Variants in MET observed in about 807,000 individuals in gnomAD.
The protein encoded by MET is hepatocyte growth factor receptor.
Under a neutral mutation model 133.1 loss-of-function variants are expected in MET, and 48 were observed. That is an observed-to-expected ratio of 0.36 (90% CI 0.29 to 0.46). The LOEUF is 0.46. Among genes scored for constraint, MET ranks in the 20% least tolerant of loss-of-function variants. The pLI is 1.00. For missense variants in MET, 1,442 were observed against 1,695.9 expected, an observed-to-expected ratio of 0.85 and a Z score of 2.63; for synonymous variants, 628 against 616.5, an observed-to-expected ratio of 1.02 and a Z score of -0.28.
chr7:116,730,892 T>C (rs957932359), intron 2 of MET, among the ~76,000 whole-genome samples: 1 of 152,150 alleles, frequency 6.6e-6, no homozygotes, highest in Non-Finnish European at 1.5e-5. Flanking sequence ...TCTTTGTTTG[T>C]TTGTTTTGTT....
At chr7:116,682,599 A>G (rs1246338971) in intron 1 of MET, among the ~76,000 whole-genome samples, 3 of 152,230 alleles carry the variant, frequency 2.0e-5, no homozygotes, top group African/African-American at 7.2e-5. Flanking sequence ...TTATGTAACC[A>G]TTTAATGCCC....
chr7:116,786,368 G>A (rs1373087651), intron 19 of MET, among the ~76,000 whole-genome samples: 1 of 152,176 alleles, frequency 6.6e-6, no homozygotes, highest in Non-Finnish European at 1.5e-5. Context: ...CATAGCAGGG[G>A]TCAAGGCTGG....
chr7:116,680,212 T>C (rs28670381), intron 1 of MET, among the ~76,000 whole-genome samples: 2,856 of 152,340 alleles, frequency 0.019, 85 homozygotes, highest in African/African-American at 0.064. Flanking sequence ...GATGGCACTG[T>C]ATCAGCACTG....
intron 11 of MET, among the ~76,000 whole-genome samples, chr7:116,767,874 T>C (rs1232139763): frequency 6.6e-6 from 1 of 151,116 alleles, no homozygotes; most frequent in Admixed American, 6.6e-5. Context: ...CCTTTTAAAA[T>C]TTTTCCTTTT....
intron 1 of MET, among the ~76,000 whole-genome samples, chr7:116,692,178 G>A (rs143992058): frequency 2.4e-4 from 37 of 152,196 alleles, no homozygotes; most frequent in African/African-American, 8.4e-4. Flanking sequence ...TCTCCTCTTT[G>A]AACCTCAGTT....
rs531420311 is a variant in MET at position 116,797,457 on chromosome 7, A to T, written c.*1333A>T. ...GCAAAACATACTTTAGAAACAAATGAAAAAGGCAATTGAAAATCCCAGCTA... is the reference window on the plus strand; with the variant it reads ...GCAAAACATACTTTAGAAACAAATGTAAAAGGCAATTGAAAATCCCAGCTA... On this transcript the variant is annotated 3_prime_UTR_variant, in exon 21 of 21. Coordinates refer to ENST00000397752, the MANE Select transcript of MET (RefSeq NM_000245.4). 415 of 227,614 alleles carry T rather than the reference A, an allele frequency of 1.8e-3. 1 individual carries two copies. Among genetic ancestry groups the T allele is most frequent in the African/African-American group, 8.6e-3 (387 of 45,128 alleles). 14.1% of individuals were successfully genotyped at this position (227,614 alleles called of 1,614,324 possible).
intron 2 of MET, among the ~76,000 whole-genome samples, chr7:116,728,786 G>A (rs1186277583): frequency 2.6e-5 from 4 of 152,190 alleles, no homozygotes; most frequent in African/African-American, 9.7e-5. Context: ...AAGGCAGGTA[G>A]TTTGTGGTCA....
At chr7:116,720,201 A>G (rs370798160) in intron 2 of MET, among the ~76,000 whole-genome samples, 2 of 147,592 alleles carry the variant, frequency 1.4e-5, no homozygotes, top group South Asian at 2.2e-4. Flanking sequence ...GGTCCTTCAC[A>G]TCCCTTGTAA....
intron 1 of MET, among the ~76,000 whole-genome samples, chr7:116,674,019 T>A (rs186669569): frequency 1.3e-5 from 2 of 152,354 alleles, no homozygotes; most frequent in Non-Finnish European, 2.9e-5. Context: ...AATGTACTGC[T>A]GTTTTAAAAA....
chr7:116,705,713 A>G (rs1190125463), intron 2 of MET, among the ~76,000 whole-genome samples: 1 of 152,114 alleles, frequency 6.6e-6, no homozygotes, highest in African/African-American at 2.4e-5. Context: ...ATGTAAGTAA[A>G]AGGTTATTAA....
chr7:116,771,492 T>G lies in MET; in HGVS notation c.2731-6T>G. The stretch of plus-strand genomic sequence containing the variant: ...ATGCTGACTTTTCTTTATTTGTCAT[T>G]TTTAGTGGAAGCAAGCAATTTCTTC... On this transcript the variant is annotated splice_polypyrimidine_tract_variant and splice_region_variant and intron_variant, in intron 12 of 20. Transcript: ENST00000397752. The G allele has an allele frequency of 1.9e-6, 3 of 1,613,632 alleles. No individual in the cohort carries two copies. Among genetic ancestry groups the G allele is most frequent in the Non-Finnish European group, 2.5e-6 (3 of 1,179,622 alleles).
intron 2 of MET, among the ~76,000 whole-genome samples, chr7:116,728,340 T>A (rs1650133288): frequency 6.6e-6 from 1 of 152,198 alleles, no homozygotes; most frequent in Non-Finnish European, 1.5e-5. Context: ...ATCCTATTAG[T>A]TCTTGAGGAG....
chr7:116,731,960 C>A, intron 3 of MET, 101 bp downstream of exon 3: 6 of 1,146,474 alleles, frequency 5.2e-6, no homozygotes, highest in East Asian at 4.9e-5. Flanking sequence ...CTGTAAAGTC[C>A]AAATCATAGT....
chr7:116,714,772 CACACAG>C (rs1238424246), intron 2 of MET, among the ~76,000 whole-genome samples: 1 of 151,762 alleles, frequency 6.6e-6, no homozygotes, highest in African/African-American at 2.4e-5. Context: ...CACACACACA[CACACAG>C]GCCACAGGGA....
chr7:116,685,594 G>A (rs1796522491), intron 1 of MET, among the ~76,000 whole-genome samples: 1 of 152,122 alleles, frequency 6.6e-6, no homozygotes, highest in Non-Finnish European at 1.5e-5. Flanking sequence ...GCTGAGGCAG[G>A]AGAATCGCTT....
Position 116,795,887 on chromosome 7 carries a change from A to T in MET, c.3936A>T (p.Leu1312Phe), listed in dbSNP as rs1402503967. Reference protein sequence around the residue: ...LLQPEYCPDPLYEVMLKCWHP... With the variant: ...LLQPEYCPDPFYEVMLKCWHP... ...CAGCATGTCTTTCTTTTTGGAACAG[A>T]TATGAAGTAATGCTAAAATGCTGGC... Residue 1312 changes from leucine (L) to phenylalanine (F), a missense_variant and splice_region_variant, in exon 21 of 21, where the codon TTA (leucine) becomes TTT (phenylalanine). This residue lies in a region of MET where 94 missense variants were observed against 109.5 expected (regional missense o/e 0.86). Transcript: ENST00000397752. 2 of 1,614,046 alleles carry T rather than the reference A, an allele frequency of 1.2e-6. No individual in the cohort carries two copies. The highest frequency in any genetic ancestry group is 1.7e-6 in the Non-Finnish European group (2 of 1,180,032).
At position 116,713,257 on chromosome 7, in the gene MET, T is replaced by C. The variant is rs1792066066; in HGVS notation, c.1200+12973T>C. Among the ~76,000 whole-genome samples the C allele has an allele frequency of 2.7e-5, 4 of 150,928 alleles. No homozygotes were observed. The South Asian group carries it at 6.3e-4, about 24-fold the overall frequency. On this transcript the variant is annotated intron_variant, in intron 2 of 20. Coordinates refer to ENST00000397752, the MANE Select transcript of MET (RefSeq NM_000245.4). ...AAAAATACAAAAAATTAGCCGGGGG[T>C]AATGGCGGGCGCCTGTAGTCCCAGC...
chr7:116,790,935 G>A (rs556783464), intron 19 of MET, among the ~76,000 whole-genome samples: 39 of 152,210 alleles, frequency 2.6e-4, no homozygotes, highest in African/African-American at 8.7e-4. Context: ...AAAATTAGCC[G>A]GGAGTGGTGG....
At chr7:116,682,073 C>G (rs1796380349) in intron 1 of MET, among the ~76,000 whole-genome samples, 1 of 152,042 alleles carries the variant, frequency 6.6e-6, no homozygotes, top group Non-Finnish European at 1.5e-5. Context: ...GATTATTGTT[C>G]ATTGAAATCT....
Sources: allele counts gnomAD v4.1 joint callset (sites outside exome capture counted in the v4.1 genomes callset), GRCh38; gene constraint gnomAD v4.1.1; regional missense constraint gnomAD v4.1.1; transcripts MANE v1.5; gene names NCBI Gene and HGNC (gene_info 2026-07-23, HGNC 2026-07-21).